The following HCN1 variants were observed in gnomAD, a reference collection of about 807,000 sequenced individuals.
The protein encoded by HCN1 is hyperpolarization activated cyclic nucleotide gated potassium channel 1, also known as potassium/sodium hyperpolarization-activated cyclic nucleotide-gated channel 1.
In HCN1, 13 loss-of-function variants were observed where a neutral mutation model predicts 78.9. That is an observed-to-expected ratio of 0.16 (90% CI 0.11 to 0.26). HCN1 has a LOEUF of 0.26. Among genes scored for constraint, HCN1 ranks in the 10% least tolerant of loss-of-function variants. The probability of loss-of-function intolerance (pLI) is 1.00; values close to 1 mark genes in which losing one functional copy is unlikely to be tolerated. For synonymous variants in HCN1, 552 were observed against 455.5 expected, an observed-to-expected ratio of 1.21 and a Z score of -2.70; for missense variants, 810 against 1,154.3, an observed-to-expected ratio of 0.70 and a Z score of 4.32.
rs186224539 is a variant in HCN1, at chr5:45,301,184, C to T, written c.1618+2415G>A. 3.1e-3 allele frequency among the ~76,000 whole-genome samples: 472 copies of T among 151,908 alleles called. 1 individual carries two copies. Among genetic ancestry groups the T allele is most frequent in the Non-Finnish European group, 4.7e-3 (318 of 67,948 alleles). On this transcript the variant is annotated intron_variant, in intron 6 of 7. Transcript: ENST00000303230. Reference sequence around the variant, plus strand: ...TAAAGTCAGCATATTATTAAGGAATCATTTCAAAAGTTAGCAGAAAGGATG... The same window carrying T: ...TAAAGTCAGCATATTATTAAGGAATTATTTCAAAAGTTAGCAGAAAGGATG...
chr5:45,277,959 T>G (rs1677086500), intron 6 of HCN1, among the ~76,000 whole-genome samples: 1 of 152,190 alleles, frequency 6.6e-6, no homozygotes, highest in African/African-American at 2.4e-5. Flanking sequence ...GGTTTCCTGA[T>G]GGACAATCTC....
At position 45,256,979 on chromosome 5, in the gene HCN1, T is replaced by C. The variant is rs1444490764; in HGVS notation, c.*4942A>G. ...ACCCCTTCCCTGCCGCAATATATTATCTTACGCAAAGCAAGTAAACTTTCA... is the reference window on the plus strand; with the variant it reads ...ACCCCTTCCCTGCCGCAATATATTACCTTACGCAAAGCAAGTAAACTTTCA... On this transcript the variant is annotated 3_prime_UTR_variant, in exon 8 of 8. Transcript: ENST00000303230. 6.6e-6 allele frequency: 1 copy of C among 152,226 alleles called. No individual in the cohort carries two copies. The highest frequency in any genetic ancestry group is 1.9e-4 in the East Asian group (1 of 5,190). 9.4% of individuals were successfully genotyped at this position (152,226 alleles called of 1,614,324 possible).
At chr5:45,304,186 T>C (rs993433012) in intron 5 of HCN1, among the ~76,000 whole-genome samples, 1 of 152,262 alleles carries the variant, frequency 6.6e-6, no homozygotes, top group African/African-American at 2.4e-5. Flanking sequence ...TTCTTCCTTT[T>C]ATCTTTTATT....
intron 4 of HCN1, among the ~76,000 whole-genome samples, chr5:45,384,390 C>T (rs115964498): frequency 0.016 from 2,447 of 152,146 alleles, 69 homozygotes; most frequent in African/African-American, 0.056. Flanking sequence ...AAAGTTCATA[C>T]TATTTTAAAT....
chr5:45,360,248 GACT>G (rs1411512004), intron 4 of HCN1, among the ~76,000 whole-genome samples: 4 of 151,606 alleles, frequency 2.6e-5, no homozygotes, highest in Admixed American at 2.0e-4. Context: ...ATATTCCAGT[GACT>G]ACATGTGTTT....
intron 5 of HCN1, among the ~76,000 whole-genome samples, chr5:45,314,281 G>C (rs1212436060): frequency 6.6e-6 from 1 of 151,900 alleles, no homozygotes; most frequent in African/African-American, 2.4e-5. Flanking sequence ...AAGTGAAGGA[G>C]AAATAAAATA....
intron 1 of HCN1, among the ~76,000 whole-genome samples, chr5:45,680,252 C>A (rs1739678381): frequency 6.6e-6 from 1 of 151,982 alleles, no homozygotes; most frequent in African/African-American, 2.4e-5. Flanking sequence ...GACTGACTTT[C>A]AAAACAAGCC....
intron 3 of HCN1, among the ~76,000 whole-genome samples, chr5:45,405,361 G>A (rs1579872762): frequency 6.6e-6 from 1 of 152,230 alleles, no homozygotes; most frequent in African/African-American, 2.4e-5. Context: ...CAATGCAGGC[G>A]TTAAGGATGC....
chr5:45,339,385 G>A (rs1395760586), intron 5 of HCN1, among the ~76,000 whole-genome samples: 1 of 152,128 alleles, frequency 6.6e-6, no homozygotes, highest in Non-Finnish European at 1.5e-5. Context: ...GGTAAGCTGA[G>A]TAGAAAGGAA....
chr5:45,293,764 G>A (rs1373881402), intron 6 of HCN1, among the ~76,000 whole-genome samples: 1 of 151,902 alleles, frequency 6.6e-6, no homozygotes, highest in Non-Finnish European at 1.5e-5. Flanking sequence ...GAACTCTGAG[G>A]TGAGGATAAA....
intron 4 of HCN1, among the ~76,000 whole-genome samples, chr5:45,395,008 T>A (rs1002217332): frequency 1.1e-4 from 16 of 152,168 alleles, no homozygotes; most frequent in Admixed American, 2.6e-4. Flanking sequence ...GTGAATACAT[T>A]GAGTTTCCAA....
intron 1 of HCN1, among the ~76,000 whole-genome samples, chr5:45,650,605 A>T (rs1215126676): frequency 1.3e-5 from 2 of 152,044 alleles, no homozygotes; most frequent in African/African-American, 4.8e-5. Context: ...AGAATAGGCT[A>T]AATAAAATAT....
At chr5:45,487,606 C>T (rs550666568) in intron 2 of HCN1, among the ~76,000 whole-genome samples, 1 of 152,104 alleles carries the variant, frequency 6.6e-6, no homozygotes, top group African/African-American at 2.4e-5. Context: ...GGTGACTTTT[C>T]AAAGACATAT....
chr5:45,277,895 G>A (rs950017367), intron 6 of HCN1, among the ~76,000 whole-genome samples: 4 of 152,144 alleles, frequency 2.6e-5, no homozygotes, highest in Non-Finnish European at 5.9e-5. Flanking sequence ...CAGAGTGCAT[G>A]AGTTGTGAGA....
intron 5 of HCN1, among the ~76,000 whole-genome samples, chr5:45,328,023 T>C (rs1290216329): frequency 1.3e-5 from 2 of 151,678 alleles, no homozygotes; most frequent in East Asian, 3.9e-4. Flanking sequence ...AAGAATGAAG[T>C]TGCCCCTTCT....
chr5:45,676,985 A>AT (rs1003094979), intron 1 of HCN1, among the ~76,000 whole-genome samples: 1 of 151,716 alleles, frequency 6.6e-6, no homozygotes, highest in African/African-American at 2.4e-5. Context: ...ATGATTCAAA[A>AT]TTTTTTTCAG....
chr5:45,280,637 C>T (rs1356168917), intron 6 of HCN1, among the ~76,000 whole-genome samples: 2 of 152,190 alleles, frequency 1.3e-5, no homozygotes, highest in African/African-American at 4.8e-5. Context: ...GGCCTCCTAT[C>T]TTCATAAACT....
intron 6 of HCN1, among the ~76,000 whole-genome samples, chr5:45,275,374 T>C (rs1745035632): frequency 6.6e-6 from 1 of 152,198 alleles, no homozygotes; most frequent in African/African-American, 2.4e-5. Flanking sequence ...GCAAATCTTT[T>C]TGTGAAGCTT....
chr5:45,694,973 GCC>G (rs1218149554), intron 1 of HCN1: 1 of 152,110 alleles, frequency 6.6e-6, no homozygotes, highest in East Asian at 1.9e-4. Flanking sequence ...CTCTGTCAAC[GCC>G]CCCTCTCTCT....
Sources: gnomAD v4.1 joint callset for allele counts (sites outside exome capture counted in the v4.1 genomes callset) on GRCh38, gnomAD v4.1.1 for gene constraint, MANE v1.5 for transcripts, NCBI Gene and HGNC (gene_info 2026-07-23, HGNC 2026-07-21) for gene names.